MIPEP: variants seen among roughly 807,000 people sequenced by gnomAD.
MIPEP encodes the protein mitochondrial intermediate peptidase.
A neutral mutation model predicts 90.3 loss-of-function variants in MIPEP; 79 were observed. The observed-to-expected ratio is 0.87, with a 90% CI of 0.73 to 1.05. MIPEP has a LOEUF of 1.05. Among genes scored for constraint, MIPEP ranks in the 50% least tolerant of loss-of-function variants. The pLI is 0.00. For synonymous variants in MIPEP, 334 were observed against 315.8 expected (o/e 1.06, Z -0.61); for missense variants, 940 against 905.6 (o/e 1.04, Z -0.49).
chr13:23,879,143 T>C (rs568124705), intron 4 of MIPEP, 125 bp downstream of exon 4: 9 of 687,222 alleles, frequency 1.3e-5, no homozygotes, highest in Middle Eastern at 2.7e-4. Flanking sequence ...GCAGGAGTCA[T>C]AGAGATACCT....
chr13:23,888,236 T>A lies in MIPEP; in HGVS notation c.189+896A>T, dbSNP rs1021413879. On this transcript the variant is annotated intron_variant, in intron 1 of 18. Transcript: ENST00000382172. ...CAACTATGTTAATACCAACACTACA[T>A]ACCCTTAAGGAAGGTGGTGTAGCAA... is the stretch of plus-strand genomic sequence containing the variant. 15 of 317,606 alleles carry A rather than the reference T, an allele frequency of 4.7e-5. 1 individual carries two copies. Among genetic ancestry groups the A allele is most frequent in the African/African-American group, 2.4e-4 (11 of 45,132 alleles). 19.7% of individuals were successfully genotyped at this position (317,606 alleles called of 1,614,324 possible).
intron 7 of MIPEP, among the ~76,000 whole-genome samples, chr13:23,865,825 C>T (rs7140076): frequency 0.94 from 142,748 of 151,916 alleles, 67,100 homozygotes; most frequent in East Asian, 1. Flanking sequence ...CACCCGCCAC[C>T]GCGCCCAATT....
intron 14 of MIPEP, among the ~76,000 whole-genome samples, chr13:23,829,442 A>T (rs1868630854): frequency 6.6e-6 from 1 of 152,132 alleles, no homozygotes; most frequent in Non-Finnish European, 1.5e-5. Context: ...AAAAAAATAT[A>T]AAAACTATTA....
intron 4 of MIPEP, among the ~76,000 whole-genome samples, chr13:23,878,331 C>G (rs962905236): frequency 6.6e-6 from 1 of 152,184 alleles, no homozygotes; most frequent in Non-Finnish European, 1.5e-5. Context: ...GCATACCTGC[C>G]AGGCAGATGA....
At chr13:23,839,084 T>A (rs536425982) in intron 12 of MIPEP, among the ~76,000 whole-genome samples, 1 of 152,252 alleles carries the variant, frequency 6.6e-6, no homozygotes, top group African/African-American at 2.4e-5. Flanking sequence ...AGTCGGCCAA[T>A]GCTAAAGAAA....
intron 2 of MIPEP, among the ~76,000 whole-genome samples, chr13:23,884,252 G>T (rs1871381055): frequency 6.6e-6 from 1 of 150,620 alleles, no homozygotes; most frequent in African/African-American, 2.5e-5. Flanking sequence ...AGATTTTTGG[G>T]GGTGGATGGA....
At chr13:23,760,267 G>T in intron 16 of MIPEP, 50 bp from the exon 17 acceptor site, 2 of 1,612,628 alleles carry the variant, frequency 1.2e-6, no homozygotes, top group Middle Eastern at 1.7e-4. Context: ...GTTTCCACTT[G>T]GAGAATATCA....
At chr13:23,803,923 T>C (rs1953076717) in intron 16 of MIPEP, among the ~76,000 whole-genome samples, 1 of 152,170 alleles carries the variant, frequency 6.6e-6, no homozygotes, top group Admixed American at 6.5e-5. Flanking sequence ...ATGCTTCTTT[T>C]AAAGACCTCT....
chr13:23,741,629 T>C (rs1235362153), intron 18 of MIPEP, among the ~76,000 whole-genome samples: 1 of 151,874 alleles, frequency 6.6e-6, no homozygotes, highest in Non-Finnish European at 1.5e-5. Context: ...TGAGAACACA[T>C]GGACACAGAG....
At chr13:23,775,109 CTGTGTG>C (rs57354012) in intron 16 of MIPEP, among the ~76,000 whole-genome samples, 44,317 of 149,078 alleles carry the variant, frequency 0.3, 6,889 homozygotes, top group South Asian at 0.47. Flanking sequence ...TATCAGTTCT[CTGTGTG>C]TGTGTGTGTG....
intron 14 of MIPEP, among the ~76,000 whole-genome samples, chr13:23,822,866 T>C (rs888573555): frequency 6.6e-6 from 1 of 151,696 alleles, no homozygotes; most frequent in Non-Finnish European, 1.5e-5. Context: ...CCAAAGCAAG[T>C]AGAGACCAGC....
chr13:23,818,311 TC>T (rs1465777024), intron 14 of MIPEP, among the ~76,000 whole-genome samples: 1 of 151,522 alleles, frequency 6.6e-6, no homozygotes, highest in Non-Finnish European at 1.5e-5. Flanking sequence ...TCCCAGCTAC[TC>T]AGGAGGCTGA....
intron 16 of MIPEP, among the ~76,000 whole-genome samples, chr13:23,766,430 T>C (rs532870195): frequency 2.6e-5 from 4 of 152,364 alleles, no homozygotes; most frequent in African/African-American, 7.2e-5. Context: ...CTCGTCTTCA[T>C]AGAAAGACCA....
intron 7 of MIPEP, among the ~76,000 whole-genome samples, chr13:23,864,666 G>T (rs1464299154): frequency 6.9e-6 from 1 of 145,042 alleles, no homozygotes; most frequent in East Asian, 2.0e-4. Context: ...AACCCAGGAG[G>T]TAGAGACTAT....
chr13:23,862,915 C>T (rs1397463972), intron 8 of MIPEP, among the ~76,000 whole-genome samples: 1 of 152,204 alleles, frequency 6.6e-6, no homozygotes, highest in East Asian at 1.9e-4. Context: ...TAGAGAAAGA[C>T]TACTAACACT....
At chr13:23,866,455 C>T (rs959687917) in intron 7 of MIPEP, among the ~76,000 whole-genome samples, 1 of 152,144 alleles carries the variant, frequency 6.6e-6, no homozygotes, top group South Asian at 2.1e-4. Flanking sequence ...GAGCTGGGTG[C>T]TGCAGGTCCA....
chr13:23,792,543 A>G (rs375634979), intron 16 of MIPEP, among the ~76,000 whole-genome samples: 42 of 152,232 alleles, frequency 2.8e-4, no homozygotes, highest in African/African-American at 9.9e-4. Context: ...CCATGCCCAG[A>G]TAATTTTTTA....
intron 18 of MIPEP, 72 bp from the exon 19 acceptor site, chr13:23,730,517 T>A (rs1952193800): frequency 1.1e-6 from 1 of 939,154 alleles, no homozygotes; most frequent in Non-Finnish European, 1.7e-6. Flanking sequence ...CAAAATCAAA[T>A]CCACACACTA....
rs770255025 is a variant in MIPEP, at chr13:23,886,409, C to T, written c.287G>A (p.Cys96Tyr). 1 of 1,608,858 alleles carries T rather than the reference C, an allele frequency of 6.2e-7. No homozygotes were observed. The highest frequency in any genetic ancestry group is 8.5e-7 in the Non-Finnish European group (1 of 1,177,264). ...RKTELLVDRACSTPPGPQTVL... is the reference protein window; with the variant it reads ...RKTELLVDRAYSTPPGPQTVL... ...GGTCTGGGGCCCAGGTGGGGTGGAA[C>T]ATGCACGGTCCACAAGCAATTCTGT... Residue 96 changes from cysteine to tyrosine, a missense_variant, in exon 2 of 19, where the codon TGT (cysteine) becomes TAT (tyrosine). Coordinates refer to ENST00000382172, the MANE Select transcript of MIPEP (RefSeq NM_005932.4).
Sources: gnomAD v4.1 joint callset for allele counts (sites outside exome capture counted in the v4.1 genomes callset) on GRCh38, gnomAD v4.1.1 for gene constraint, MANE v1.5 for transcripts, NCBI Gene and HGNC (gene_info 2026-07-23, HGNC 2026-07-21) for gene names.